NXN: variants seen among roughly 807,000 people sequenced by gnomAD.
NXN encodes the protein nucleoredoxin.
In NXN, 16 loss-of-function variants were observed where a neutral mutation model predicts 48.6. The ratio of observed to expected loss-of-function variants is 0.33; its 90% CI spans 0.22 to 0.50. The LOEUF (loss-of-function observed/expected upper bound fraction) is 0.50, where lower values mean the gene tolerates loss of function less well. Ranked by LOEUF, NXN falls within the 20% of genes least tolerant of loss-of-function variation. NXN has a pLI of 0.98. For synonymous variants in NXN, 281 were observed against 269.6 expected (o/e 1.04, Z -0.41); for missense variants, 492 against 605.5 (o/e 0.81, Z 1.97).
chr17:864,498 C>T (rs1321104385), intron 1 of NXN, among the ~76,000 whole-genome samples: 1 of 152,220 alleles, frequency 6.6e-6, no homozygotes, highest in Admixed American at 6.5e-5. Flanking sequence ...ACAAAGTGGG[C>T]TCTGCCCGTT....
intron 1 of NXN, chr17:959,217 A>G: frequency 9.7e-7 from 1 of 1,032,172 alleles, no homozygotes; most frequent in South Asian, 2.2e-5. Context: ...GTGTCAGCAG[A>G]CAGGCCTGCA....
In NXN at chr17:956,008, T is replaced by C. The variant is rs1486653143; in HGVS notation, c.360+23311A>G. Among the ~76,000 whole-genome samples the C allele has an allele frequency of 6.6e-6, 1 of 152,024 alleles. No individual in the cohort carries two copies. Among genetic ancestry groups the C allele is most frequent in the African/African-American group, 2.4e-5 (1 of 41,350 alleles). On this transcript the variant is annotated intron_variant, in intron 1 of 7. Coordinates refer to ENST00000336868, the MANE Select transcript of NXN (RefSeq NM_022463.5). The surrounding 1 kb of genome is among the most constrained non-coding windows in gnomAD (Gnocchi z 4.1). ...TGACCGCCTCCTCCCTGAGCCTCAG[T>C]TTCCCTGCCTGTCAAAGAAGACTGT... is the stretch of plus-strand genomic sequence containing the variant.
chr17:868,555 G>A (rs1036376189), intron 1 of NXN, among the ~76,000 whole-genome samples: 12 of 152,024 alleles, frequency 7.9e-5, no homozygotes, highest in East Asian at 5.8e-4. Flanking sequence ...GCAGTGATGC[G>A]ATCTCTGCTT....
In NXN at chr17:881,303, A is replaced by G. The variant is rs139962673; in HGVS notation, c.361-55225T>C. ...CTCACTGTTACCCAGGCTGGAGTGC[A>G]GTGGTGCGATCTCAGCTCGCCGCAG... On this transcript the variant is annotated intron_variant, in intron 1 of 7. Transcript: ENST00000336868. 1.6e-3 allele frequency among the ~76,000 whole-genome samples: 241 copies of G among 152,308 alleles called. 1 individual carries two copies. Among genetic ancestry groups the G allele is most frequent in the African/African-American group, 5.5e-3 (228 of 41,572 alleles).
chr17:861,487 G>A (rs547668770), intron 1 of NXN, among the ~76,000 whole-genome samples: 2 of 152,228 alleles, frequency 1.3e-5, no homozygotes, highest in South Asian at 4.2e-4. Flanking sequence ...GCCCAGCAAG[G>A]AACACACTTC....
At chr17:817,668 C>A (rs1235281342) in intron 5 of NXN, among the ~76,000 whole-genome samples, 3 of 129,224 alleles carry the variant, frequency 2.3e-5, no homozygotes, top group African/African-American at 3.1e-5. Flanking sequence ...GACTCCAATT[C>A]AGGAAAAAAA....
intron 1 of NXN, chr17:896,855 C>CGGGGGGGGG: frequency 9.1e-7 from 1 of 1,102,006 alleles, no homozygotes; most frequent in Non-Finnish European, 1.2e-6. Flanking sequence ...GCGGTCCTGA[C>CGGGGGGGGG]CACCCGCCCC....
In NXN at chr17:948,603, G is replaced by A. The variant is rs947816974; in HGVS notation, c.360+30716C>T. Among the ~76,000 whole-genome samples the A allele has an allele frequency of 2.0e-5, 3 of 151,956 alleles. 1 individual carries two copies. Among genetic ancestry groups the A allele is most frequent in the East Asian group, 1.9e-4 (1 of 5,182 alleles). ...GAAAGGAATGTTTAAAAGCTCCCGGGCGACTGAAGATCAGCCAGGGGTGAA... is the reference window on the plus strand; with the variant it reads ...GAAAGGAATGTTTAAAAGCTCCCGGACGACTGAAGATCAGCCAGGGGTGAA... On this transcript the variant is annotated intron_variant, in intron 1 of 7. Coordinates refer to ENST00000336868, the MANE Select transcript of NXN (RefSeq NM_022463.5).
At chr17:813,731 G>A (rs1162051775) in intron 5 of NXN, among the ~76,000 whole-genome samples, 1 of 152,154 alleles carries the variant, frequency 6.6e-6, no homozygotes, top group Non-Finnish European at 1.5e-5. Context: ...CACTTTGGGA[G>A]GCCAAGGCGG....
intron 1 of NXN, among the ~76,000 whole-genome samples, chr17:889,976 C>T (rs560074856): frequency 1.6e-4 from 25 of 152,224 alleles, no homozygotes; most frequent in African/African-American, 6.0e-4. Context: ...ACGCCCAGTA[C>T]CCCATCCCTC....
chr17:931,160 G>A (rs1412320660), intron 1 of NXN, among the ~76,000 whole-genome samples: 9 of 152,094 alleles, frequency 5.9e-5, no homozygotes, highest in East Asian at 1.9e-4. Flanking sequence ...GGTGTCGCAC[G>A]CCTGTAGGCC....
chr17:886,358 T>C (rs1219825551), intron 1 of NXN, among the ~76,000 whole-genome samples: 1 of 152,164 alleles, frequency 6.6e-6, no homozygotes, highest in African/African-American at 2.4e-5. Context: ...AGGGTTTTGC[T>C]CTTACCGAGC....
chr17:889,862 G>C (rs1473510205), intron 1 of NXN, among the ~76,000 whole-genome samples: 1 of 152,180 alleles, frequency 6.6e-6, no homozygotes, highest in Non-Finnish European at 1.5e-5. Flanking sequence ...TCAAGTCTAA[G>C]GCTGTGGATA....
In NXN at chr17:979,758, G is replaced by C. The variant is rs1200229541; in HGVS notation, c.-80C>G. Reference sequence around the variant, plus strand: ...GGCGGGAGGAGGCGGCGGCGTCGGCGGCAGGCGCTGGGGAGAGCAGAGCCC... The same window carrying C: ...GGCGGGAGGAGGCGGCGGCGTCGGCCGCAGGCGCTGGGGAGAGCAGAGCCC... On this transcript the variant is annotated 5_prime_UTR_variant, in exon 1 of 8. Coordinates refer to ENST00000336868, the MANE Select transcript of NXN (RefSeq NM_022463.5). The C allele has an allele frequency of 3.4e-6, 4 of 1,181,424 alleles. No homozygotes were observed. The highest frequency in any genetic ancestry group is 2.5e-5 in the South Asian group (1 of 40,678). 73.2% of individuals were successfully genotyped at this position (1,181,424 alleles called of 1,614,324 possible).
intron 6 of NXN, 21 bp downstream of exon 6, chr17:805,047 C>T: frequency 6.5e-7 from 1 of 1,547,280 alleles, no homozygotes; most frequent in Non-Finnish European, 8.7e-7. Context: ...CCCTCGCCCC[C>T]TGCCCCCGTG....
intron 1 of NXN, among the ~76,000 whole-genome samples, chr17:930,696 A>G (rs1384485820): frequency 1.3e-5 from 2 of 152,110 alleles, no homozygotes; most frequent in Non-Finnish European, 2.9e-5. Context: ...AGGCATAAAC[A>G]TGTTATTAAA....
chr17:836,593 G>T (rs1913837092), intron 1 of NXN, among the ~76,000 whole-genome samples: 1 of 152,100 alleles, frequency 6.6e-6, no homozygotes, highest in Admixed American at 6.6e-5. Context: ...CTCAGCACAG[G>T]TTCCGGCTCC....
At chr17:906,884 G>T (rs767536644) in intron 1 of NXN, among the ~76,000 whole-genome samples, 1 of 151,932 alleles carries the variant, frequency 6.6e-6, no homozygotes, top group Non-Finnish European at 1.5e-5. Flanking sequence ...GAAGTGTTCT[G>T]TATAGTCCTA....
At chr17:864,337 G>C (rs758638581) in intron 1 of NXN, among the ~76,000 whole-genome samples, 6 of 151,634 alleles carry the variant, frequency 4.0e-5, no homozygotes, top group Non-Finnish European at 7.3e-5. Context: ...CGGTTCTTCA[G>C]AGTGTTGATT....
Sources: gnomAD v4.1 joint callset for allele counts (sites outside exome capture counted in the v4.1 genomes callset) on GRCh38, gnomAD v4.1.1 for gene constraint, Gnocchi (gnomAD v3.1) non-coding constraint, MANE v1.5 for transcripts, NCBI Gene and HGNC (gene_info 2026-07-23, HGNC 2026-07-21) for gene names.